The following KDM5A variants were observed in gnomAD, a reference collection of about 807,000 sequenced individuals.
KDM5A encodes the protein lysine demethylase 5A, also known as lysine-specific demethylase 5A.
A neutral mutation model predicts 193.5 loss-of-function variants in KDM5A; 42 were observed. That is an observed-to-expected ratio of 0.22 (90% CI 0.17 to 0.28). The LOEUF (loss-of-function observed/expected upper bound fraction) is 0.28, where lower values mean the gene tolerates loss of function less well. Ranked by LOEUF, KDM5A falls within the 10% of genes least tolerant of loss-of-function variation. The pLI is 1.00. For missense variants in KDM5A, 1,692 were observed against 2,055.1 expected, an observed-to-expected ratio of 0.82 and a Z score of 3.42; for synonymous variants, 796 against 718.1, an observed-to-expected ratio of 1.11 and a Z score of -1.73.
chr12:284,973 C>T lies in KDM5A; in HGVS notation c.*483G>A. 3.9e-6 allele frequency: 1 copy of T among 254,546 alleles called. No homozygotes were observed. Among genetic ancestry groups the T allele is most frequent in the Non-Finnish European group, 7.7e-6 (1 of 129,426 alleles). 15.8% of individuals were successfully genotyped at this position (254,546 alleles called of 1,614,324 possible). A position where few individuals can be genotyped will look rare whatever the true frequency, so the allele number is the denominator to read the frequency against. On this transcript the variant is annotated 3_prime_UTR_variant, in exon 28 of 28. Coordinates refer to ENST00000399788, the MANE Select transcript of KDM5A (RefSeq NM_001042603.3). ...GTTACTCCTAGTTGTATCTTTAGGG[C>T]ATTAAGTACCAGGTAACAGTGGAAG... is the stretch of plus-strand genomic sequence containing the variant.
intron 3 of KDM5A, among the ~76,000 whole-genome samples, chr12:373,556 G>C (rs1037894296): frequency 6.6e-5 from 10 of 152,080 alleles, no homozygotes; most frequent in African/African-American, 2.4e-4. Flanking sequence ...ATTTTTTGAA[G>C]GGTTTTTTGT....
intron 27 of KDM5A, among the ~76,000 whole-genome samples, chr12:288,359 T>G (rs943858209): frequency 6.6e-6 from 1 of 152,190 alleles, no homozygotes; most frequent in Non-Finnish European, 1.5e-5. Context: ...ATTACTAAAC[T>G]TCACAGCTAT....
intron 12 of KDM5A, among the ~76,000 whole-genome samples, chr12:332,745 T>C (rs1019832755): frequency 2.6e-5 from 4 of 152,182 alleles, no homozygotes; most frequent in African/African-American, 9.7e-5. Context: ...TTGTTAGTTA[T>C]TAGGATAAGC....
chr12:312,109 A>G (rs1195089700), intron 20 of KDM5A, among the ~76,000 whole-genome samples: 1 of 152,220 alleles, frequency 6.6e-6, no homozygotes, highest in Non-Finnish European at 1.5e-5. Flanking sequence ...TTTCTTTTTG[A>G]GTACAGTTCT....
intron 10 of KDM5A, among the ~76,000 whole-genome samples, chr12:347,886 T>C (rs1332366580): frequency 5.3e-5 from 8 of 152,096 alleles, no homozygotes; most frequent in African/African-American, 1.9e-4. Flanking sequence ...CCAAAAGCAA[T>C]GGCAACAAAA....
rs1944700611 is a variant in KDM5A, at chr12:389,314, TG to T, written c.-224del. The T allele has an allele frequency of 1.5e-6, 1 of 675,768 alleles. No individual in the cohort carries two copies. Among genetic ancestry groups the T allele is most frequent in the Non-Finnish European group, 2.7e-6 (1 of 369,968 alleles). The allele number at this position is 675,768 out of a possible 1,614,324, so 41.9% of individuals were successfully genotyped here. ...TTCAGGACTTTTCCGGAAGTTACCG[TG>T]CTGTCAAATCCCTCCGCCCCCTGCA... On this transcript the variant is annotated 5_prime_UTR_variant, in exon 1 of 28. Coordinates refer to ENST00000399788, the MANE Select transcript of KDM5A (RefSeq NM_001042603.3).
chr12:330,838 G>A (rs1174684609), intron 13 of KDM5A, among the ~76,000 whole-genome samples: 2 of 152,070 alleles, frequency 1.3e-5, no homozygotes, highest in African/African-American at 4.8e-5. Context: ...GGTGCCAGCA[G>A]AAAACATTAA....
intron 10 of KDM5A, among the ~76,000 whole-genome samples, chr12:350,345 A>G (rs1287856712): frequency 1.3e-5 from 2 of 149,224 alleles, no homozygotes; most frequent in Non-Finnish European, 3.0e-5. Flanking sequence ...CTGAGGCAAG[A>G]GAATTGCTTG....
Position 389,050 on chromosome 12 carries a change from C to CACGA in KDM5A, c.38_41dup (p.Pro15ArgfsTer10). ...CAAAGACGGGGCACTCTGGCGGTGG[C>CACGA]ACGAACTCCGCCGCGTAGCCCCCCG... is the stretch of plus-strand genomic sequence containing the variant. On this transcript the variant is annotated frameshift_variant, in exon 1 of 28. Transcript: ENST00000399788. LOFTEE classifies it high-confidence loss of function. The CACGA allele has an allele frequency of 6.2e-7, 1 of 1,601,442 alleles. No homozygotes were observed. Among genetic ancestry groups the CACGA allele is most frequent in the Non-Finnish European group, 8.5e-7 (1 of 1,172,668 alleles).
rs74579515 is a variant in KDM5A, at chr12:329,418, A to G, written c.1774-389T>C. On this transcript the variant is annotated intron_variant, in intron 13 of 27. Transcript: ENST00000399788. ...ATAAATAATTAAATAAGTTCAGGCC[A>G]AAAAGGGTTAAGTGGAAGTATTCAG... 0.015 allele frequency among the ~76,000 whole-genome samples: 2,329 copies of G among 152,184 alleles called. 104 individuals are homozygous for G. In the South Asian group the frequency reaches 0.16, roughly 10 times the overall value.
chr12:289,564 A>C (rs900948490), intron 27 of KDM5A, among the ~76,000 whole-genome samples: 1 of 151,978 alleles, frequency 6.6e-6, no homozygotes, highest in African/African-American at 2.4e-5. Flanking sequence ...TTTCTCAAAA[A>C]AAGAGGTGGG....
chr12:320,863 A>C, intron 18 of KDM5A, 132 bp downstream of exon 18: 1 of 715,818 alleles, frequency 1.4e-6, no homozygotes, highest in African/African-American at 1.8e-5. Context: ...AAGAACCTCA[A>C]ATAGCAGCAT....
At chr12:321,482 T>G (rs943803644) in intron 17 of KDM5A, among the ~76,000 whole-genome samples, 1 of 152,228 alleles carries the variant, frequency 6.6e-6, no homozygotes, top group Non-Finnish European at 1.5e-5. Flanking sequence ...CAAAATTTTG[T>G]GTGCACATGA....
At chr12:343,874 A>G (rs1379080492) in intron 10 of KDM5A, among the ~76,000 whole-genome samples, 1 of 152,246 alleles carries the variant, frequency 6.6e-6, no homozygotes, top group Non-Finnish European at 1.5e-5. Context: ...AAAGGATGGC[A>G]GCTCCTTGCC....
intron 22 of KDM5A, among the ~76,000 whole-genome samples, chr12:308,703 T>C (rs116879854): frequency 0.011 from 1,638 of 152,350 alleles, 14 homozygotes; most frequent in Middle Eastern, 0.027. Flanking sequence ...TAATTTCCAG[T>C]CCTACTTGTC....
At chr12:343,232 A>C (rs1944029165) in intron 10 of KDM5A, among the ~76,000 whole-genome samples, 1 of 152,198 alleles carries the variant, frequency 6.6e-6, no homozygotes, top group Non-Finnish European at 1.5e-5. Context: ...AGGGGCGTCC[A>C]CCATTGCTGA....
At chr12:315,196 A>G (rs542894957) in intron 19 of KDM5A, among the ~76,000 whole-genome samples, 55 of 152,362 alleles carry the variant, frequency 3.6e-4, no homozygotes, top group African/African-American at 1.2e-3. Flanking sequence ...TCAAAACAGC[A>G]GAGAGAATGA....
intron 4 of KDM5A, among the ~76,000 whole-genome samples, chr12:363,846 C>A (rs749135708): frequency 6.6e-6 from 1 of 152,000 alleles, no homozygotes; most frequent in Non-Finnish European, 1.5e-5. Flanking sequence ...ATCTGCAAAT[C>A]ATTTACCTGA....
At chr12:292,147 G>A (rs148525992) in intron 27 of KDM5A, among the ~76,000 whole-genome samples, 2,659 of 152,106 alleles carry the variant, frequency 0.017, 78 homozygotes, top group African/African-American at 0.06. Flanking sequence ...CAGGTGATCC[G>A]CCCACCTCGG....
Sources: gnomAD v4.1 joint callset for allele counts (sites outside exome capture counted in the v4.1 genomes callset) on GRCh38, gnomAD v4.1.1 for gene constraint, MANE v1.5 for transcripts, NCBI Gene and HGNC (gene_info 2026-07-23, HGNC 2026-07-21) for gene names.